The following JMJD1C variants were observed in gnomAD, a reference collection of about 807,000 sequenced individuals.
JMJD1C encodes jumonji domain containing 1C.
JMJD1C carries 31 observed loss-of-function variants against 245.3 expected under a neutral mutation model. The observed-to-expected ratio is 0.13, with a 90% CI of 0.09 to 0.17. The LOEUF (loss-of-function observed/expected upper bound fraction) is 0.17, where lower values mean the gene tolerates loss of function less well. JMJD1C is among the 10% of genes least tolerant of loss of function. The pLI is 1.00. For synonymous variants in JMJD1C, 1,057 were observed against 1,017.4 expected (o/e 1.04, Z -0.74); for missense variants, 2,691 against 3,000.2 (o/e 0.90, Z 2.41).
intron 1 of JMJD1C, among the ~76,000 whole-genome samples, chr10:63,473,925 C>G (rs1470380217): frequency 6.6e-6 from 1 of 151,846 alleles, no homozygotes; most frequent in Non-Finnish European, 1.5e-5. Context: ...CACCTGTAAT[C>G]CCAGCTACTC....
In JMJD1C at chr10:63,233,727, A is replaced by T. The variant is rs531241651; in HGVS notation, c.448-13744T>A. ...ATATGTATCTCCATATATACATATT[A>T]TATATATATATATATCCACACACGC... On this transcript the variant is annotated intron_variant, in intron 3 of 25. Transcript: ENST00000399262. Among the ~76,000 whole-genome samples, 152 of 108,656 alleles carry T rather than the reference A, an allele frequency of 1.4e-3. No homozygotes were observed. The South Asian group carries it at 0.029, about 21-fold the overall frequency. 71.3% of individuals were successfully genotyped at this position (108,656 alleles called of 152,430 possible).
At chr10:63,234,907 T>C (rs1387105820) in intron 3 of JMJD1C, among the ~76,000 whole-genome samples, 1 of 152,180 alleles carries the variant, frequency 6.6e-6, no homozygotes, top group Non-Finnish European at 1.5e-5. Context: ...CTGTAATACA[T>C]TTTTTATGAA....
At chr10:63,327,328 A>C (rs1479231092) in intron 2 of JMJD1C, among the ~76,000 whole-genome samples, 1 of 152,230 alleles carries the variant, frequency 6.6e-6, no homozygotes, top group East Asian at 1.9e-4. Flanking sequence ...ACTTTGCTTC[A>C]TCAATGTAAA....
chr10:63,226,746 A>G (rs1487048576), intron 3 of JMJD1C, among the ~76,000 whole-genome samples: 1 of 141,076 alleles, frequency 7.1e-6, no homozygotes, highest in East Asian at 2.1e-4. Context: ...GAGAGAGAGA[A>G]GGACATGATG....
intron 1 of JMJD1C, among the ~76,000 whole-genome samples, chr10:63,521,011 G>C (rs1335790463): frequency 6.6e-6 from 1 of 152,216 alleles, no homozygotes; most frequent in African/African-American, 2.4e-5. Flanking sequence ...CTGGTCGAGA[G>C]TTTTATTGGA....
At chr10:63,353,942 G>C (rs1302985742) in intron 2 of JMJD1C, among the ~76,000 whole-genome samples, 3 of 152,110 alleles carry the variant, frequency 2.0e-5, no homozygotes, top group African/African-American at 4.8e-5. Flanking sequence ...CCAGGTTCAA[G>C]CAATTCTTCT....
chr10:63,324,686 G>A (rs1941313602), intron 2 of JMJD1C, among the ~76,000 whole-genome samples: 1 of 152,218 alleles, frequency 6.6e-6, no homozygotes, highest in African/African-American at 2.4e-5. Flanking sequence ...AATCCTGTGT[G>A]AGTGTAGAAA....
At chr10:63,402,937 C>T (rs1468398078) in intron 1 of JMJD1C, among the ~76,000 whole-genome samples, 1 of 152,170 alleles carries the variant, frequency 6.6e-6, no homozygotes, top group Non-Finnish European at 1.5e-5. Context: ...TGCTAACAAC[C>T]ACTTGTCCCT....
intron 2 of JMJD1C, among the ~76,000 whole-genome samples, chr10:63,376,179 A>G (rs1469956351): frequency 2.0e-5 from 3 of 152,208 alleles, no homozygotes; most frequent in Non-Finnish European, 2.9e-5. Flanking sequence ...AAGACCATTC[A>G]CTGGGGCAAA....
chr10:63,490,352 C>A (rs1286748032), intron 1 of JMJD1C, among the ~76,000 whole-genome samples: 3 of 151,760 alleles, frequency 2.0e-5, no homozygotes, highest in Non-Finnish European at 4.4e-5. Flanking sequence ...CTCAGTTATT[C>A]TTTCTTTCTT....
At chr10:63,244,025 T>A (rs1298106462) in intron 3 of JMJD1C, among the ~76,000 whole-genome samples, 1 of 152,056 alleles carries the variant, frequency 6.6e-6, no homozygotes, top group Non-Finnish European at 1.5e-5. Context: ...TGGCAGGAGA[T>A]CTATCCCTGC....
chr10:63,215,935 C>T (rs1399936005), intron 5 of JMJD1C, among the ~76,000 whole-genome samples: 2 of 152,282 alleles, frequency 1.3e-5, no homozygotes, highest in Non-Finnish European at 2.9e-5. Flanking sequence ...ACTGCAAGTA[C>T]ATCTTGAAAA....
At chr10:63,305,683 T>TGTGTGTGTGTGTGTGTGTG (rs71025152) in intron 2 of JMJD1C, among the ~76,000 whole-genome samples, 86 of 146,478 alleles carry the variant, frequency 5.9e-4, no homozygotes, top group Non-Finnish European at 7.6e-4. Flanking sequence ...TGTGTGTGTG[T>TGTGTGTGTGTGTGTGTGTG]TGAAAGATCT....
At chr10:63,513,080 G>T (rs1169800260) in intron 1 of JMJD1C, among the ~76,000 whole-genome samples, 1 of 151,662 alleles carries the variant, frequency 6.6e-6, no homozygotes, top group African/African-American at 2.4e-5. Flanking sequence ...CTTGCATATT[G>T]TCTACTTTTT....
chr10:63,380,975 T>C (rs1413993075), intron 1 of JMJD1C, among the ~76,000 whole-genome samples: 3 of 152,354 alleles, frequency 2.0e-5, no homozygotes, highest in Non-Finnish European at 4.4e-5. Flanking sequence ...TCAGTGTTTA[T>C]TGCAACACTA....
intron 2 of JMJD1C, among the ~76,000 whole-genome samples, chr10:63,344,949 C>A (rs1392936554): frequency 1.3e-5 from 2 of 152,156 alleles, no homozygotes. Context: ...AGTACAGCTA[C>A]TCTGGAAAAT....
chr10:63,517,486 C>G (rs1955055933), intron 1 of JMJD1C, among the ~76,000 whole-genome samples: 1 of 152,156 alleles, frequency 6.6e-6, no homozygotes, highest in Non-Finnish European at 1.5e-5. Context: ...AGAACTAGGT[C>G]TCCTGTGAGA....
chr10:63,210,075 CA>C (rs1404358985), intron 8 of JMJD1C, among the ~76,000 whole-genome samples: 1 of 152,058 alleles, frequency 6.6e-6, no homozygotes, highest in African/African-American at 2.4e-5. Flanking sequence ...TATGTCACAC[CA>C]AAAATATACT....
intron 24 of JMJD1C, 147 bp from the exon 25 acceptor site, chr10:63,168,713 AC>A: frequency 3.3e-6 from 2 of 606,592 alleles, no homozygotes; most frequent in African/African-American, 1.9e-5. Flanking sequence ...AAAGCAGAAG[AC>A]CACATTTTAT....
Sources: allele counts gnomAD v4.1 joint callset (sites outside exome capture counted in the v4.1 genomes callset), GRCh38; gene constraint gnomAD v4.1.1; transcripts MANE v1.5; gene names NCBI Gene and HGNC (gene_info 2026-07-23, HGNC 2026-07-21).